The following COBLL1 variants were observed in gnomAD, a reference collection of about 807,000 sequenced individuals.
COBLL1 encodes cordon-bleu protein-like 1.
A neutral mutation model predicts 94.8 loss-of-function variants in COBLL1; 50 were observed. The observed-to-expected ratio is 0.53, with a 90% CI of 0.42 to 0.67. COBLL1 has a LOEUF of 0.67. Among genes scored for constraint, COBLL1 ranks in the 30% least tolerant of loss-of-function variants. The pLI is 0.00. For synonymous variants in COBLL1, 448 were observed against 473.8 expected (o/e 0.95, Z 0.71); for missense variants, 1,362 against 1,348.7 (o/e 1.01, Z -0.15).
At chr2:164,784,265 T>C (rs1688842170) in intron 2 of COBLL1, among the ~76,000 whole-genome samples, 1 of 152,150 alleles carries the variant, frequency 6.6e-6, no homozygotes, top group African/African-American at 2.4e-5. Context: ...ACAAAGGGAG[T>C]AGTATCACCA....
chr2:164,673,051 A>G (rs1461453096), intron 1 of COBLL1, among the ~76,000 whole-genome samples: 1 of 152,142 alleles, frequency 6.6e-6, no homozygotes, highest in African/African-American at 2.4e-5. Context: ...ATGTTACTGA[A>G]CTTTTCTCAT....
At chr2:164,705,130 A>T (rs904888616) in intron 7 of COBLL1, 25 bp from the exon 8 acceptor site, 18 of 1,488,322 alleles carry the variant, frequency 1.2e-5, no homozygotes, top group African/African-American at 1.4e-5. Context: ...GACCAAATAA[A>T]ATCCTACATT....
chr2:164,737,778 CT>C (rs1034042804), intron 3 of COBLL1, among the ~76,000 whole-genome samples: 5 of 152,124 alleles, frequency 3.3e-5, no homozygotes, highest in African/African-American at 1.2e-4. Flanking sequence ...TCATAGTCTA[CT>C]TTTTCCCAAT....
intron 3 of COBLL1, 162 bp downstream of exon 3, chr2:164,743,525 A>T (rs1686702351): frequency 1.7e-6 from 1 of 602,198 alleles, no homozygotes; most frequent in Non-Finnish European, 2.9e-6. Context: ...TTGATAGAAA[A>T]TTTTTAACAC....
At chr2:164,782,018 TA>T (rs556010027) in intron 2 of COBLL1, among the ~76,000 whole-genome samples, 13 of 149,614 alleles carry the variant, frequency 8.7e-5, no homozygotes, top group Non-Finnish European at 1.0e-4. Context: ...GCTATCCAGT[TA>T]AAAAAAAAAT....
At chr2:164,772,853 A>G (rs1291268779) in intron 2 of COBLL1, among the ~76,000 whole-genome samples, 1 of 152,092 alleles carries the variant, frequency 6.6e-6, no homozygotes, top group African/African-American at 2.4e-5. Context: ...CAGAAAGTAC[A>G]GTACTGTAAG....
intron 2 of COBLL1, among the ~76,000 whole-genome samples, chr2:164,761,805 CAA>C (rs1687696873): frequency 6.6e-6 from 1 of 152,190 alleles, no homozygotes; most frequent in South Asian, 2.1e-4. Context: ...AATCTTCACT[CAA>C]ATTCTCTCCT....
chr2:164,694,842 T>C lies in COBLL1; in HGVS notation c.2550A>G (p.Glu850=), dbSNP rs746592490. Residue 850 remains glutamate, a synonymous_variant, in exon 12 of 14, where the codon GAA becomes GAG. Transcript: ENST00000652658. Reference sequence around the variant, plus strand: ...TTGAAGCCCGAGATTTAAATTTTGATTCCAAAATATTGTTTATTTCTTCCA... The same window carrying C: ...TTGAAGCCCGAGATTTAAATTTTGACTCCAAAATATTGTTTATTTCTTCCA... ...PNLEEINNIL[E]SKFKSRASNA... is the part of the protein sequence containing the mutation. The C allele has an allele frequency of 3.7e-6, 6 of 1,613,828 alleles. No homozygotes were observed. The highest frequency in any genetic ancestry group is 1.7e-5 in the Admixed American group (1 of 59,934).
At chr2:164,701,040 T>G (rs1467282400) in intron 9 of COBLL1, among the ~76,000 whole-genome samples, 1 of 152,206 alleles carries the variant, frequency 6.6e-6, no homozygotes, top group Non-Finnish European at 1.5e-5. Context: ...AAATATTTCA[T>G]TTAAGAAATG....
At chr2:164,659,497 C>T (rs143108747) in intron 2 of COBLL1, among the ~76,000 whole-genome samples, 24 of 152,260 alleles carry the variant, frequency 1.6e-4, no homozygotes, top group African/African-American at 5.5e-4. Context: ...GTAACAGAGC[C>T]TGATGTTTAA....
At chr2:164,808,406 T>C (rs189730663) in intron 2 of COBLL1, among the ~76,000 whole-genome samples, 35 of 152,330 alleles carry the variant, frequency 2.3e-4, no homozygotes, top group Admixed American at 2.6e-4. Context: ...ATAGTTTTTC[T>C]GTCTCCTTTT....
At chr2:164,700,852 C>G in intron 9 of COBLL1, 96 bp from the exon 10 acceptor site, 2 of 739,606 alleles carry the variant, frequency 2.7e-6, no homozygotes. Flanking sequence ...TAATAATTAG[C>G]TGGACTCTTT....
At chr2:164,658,902 G>T (rs1023321015) in intron 2 of COBLL1, among the ~76,000 whole-genome samples, 2 of 152,200 alleles carry the variant, frequency 1.3e-5, no homozygotes, top group African/African-American at 4.8e-5. Flanking sequence ...GTCCTGCCTT[G>T]TGGCTCTTTT....
intron 12 of COBLL1, among the ~76,000 whole-genome samples, chr2:164,693,051 A>ATCT (rs1487331774): frequency 6.6e-6 from 1 of 152,166 alleles, no homozygotes; most frequent in Non-Finnish European, 1.5e-5. Flanking sequence ...TTAGTAACTG[A>ATCT]TGTAAGTGGC....
intron 2 of COBLL1, among the ~76,000 whole-genome samples, chr2:164,762,367 G>A (rs1687725581): frequency 6.6e-6 from 1 of 152,318 alleles, no homozygotes; most frequent in African/African-American, 2.4e-5. Flanking sequence ...TTCAATGTAA[G>A]TTTGGCCAGT....
At chr2:164,734,926 TAAGGCATA>T (rs1279199584) in intron 3 of COBLL1, among the ~76,000 whole-genome samples, 1 of 152,128 alleles carries the variant, frequency 6.6e-6, no homozygotes, top group African/African-American at 2.4e-5. Context: ...CCAGAGGTGG[TAAGGCATA>T]AAGTCAGAGC....
Position 164,695,600 on chromosome 2 carries a change from T to A in COBLL1, c.1792A>T (p.Lys598Ter). The A allele has an allele frequency of 6.2e-7, 1 of 1,613,962 alleles. No homozygotes were observed. The highest frequency in any genetic ancestry group is 8.5e-7 in the Non-Finnish European group (1 of 1,179,910). Residue 598 changes from lysine to a stop codon, truncating the protein, a stop_gained, in exon 12 of 14, where the codon AAG (lysine) becomes TAG (stop). Coordinates refer to ENST00000652658, the MANE Select transcript of COBLL1 (RefSeq NM_001365672.2). LOFTEE classifies it high-confidence loss of function. Reference protein sequence around the residue: ...DQKLNQPSAEKTKDAAIQTTP... With the variant: ...DQKLNQPSAE ...GTCTGAATTGCTGCATCTTTTGTCT[T>A]TTCTGCACTGGGTTGATTCAGTTTT... is the stretch of plus-strand genomic sequence containing the variant.
chr2:164,733,948 T>G (rs1271806584), intron 3 of COBLL1, among the ~76,000 whole-genome samples: 1 of 152,184 alleles, frequency 6.6e-6, no homozygotes, highest in East Asian at 1.9e-4. Context: ...ATAGAGTAAT[T>G]CTAACACGCT....
chr2:164,728,218 A>G, intron 4 of COBLL1, 21 bp from the exon 5 acceptor site: 2 of 1,479,472 alleles, frequency 1.4e-6, no homozygotes, highest in Non-Finnish European at 1.9e-6. Flanking sequence ...TATTAAAGCC[A>G]TAGTTGTACC....
Sources: gnomAD v4.1 joint callset for allele counts (sites outside exome capture counted in the v4.1 genomes callset) on GRCh38, gnomAD v4.1.1 for gene constraint, MANE v1.5 for transcripts, NCBI Gene and HGNC (gene_info 2026-07-23, HGNC 2026-07-21) for gene names.